Variants in KCNMA1 observed in about 807,000 individuals in gnomAD.
KCNMA1 encodes Calcium-activated potassium channel subunit alpha-1.
KCNMA1 carries 29 observed loss-of-function variants against 140.0 expected under a neutral mutation model. The ratio of observed to expected loss-of-function variants is 0.21; its 90% CI spans 0.15 to 0.28. The LOEUF is 0.28. Ranked by LOEUF, KCNMA1 falls within the 10% of genes least tolerant of loss-of-function variation. The pLI is 1.00. For missense variants in KCNMA1, 880 were observed against 1,602.2 expected (o/e 0.55, Z 7.70); for synonymous variants, 612 against 611.9 (o/e 1.00, Z 0.00).
chr10:77,472,990 CCCAGCGGGG>C (rs2098198256), intron 1 of KCNMA1, among the ~76,000 whole-genome samples: 2 of 152,202 alleles, frequency 1.3e-5, no homozygotes, highest in Non-Finnish European at 2.9e-5. Context: ...ATGTGCACTT[CCCAGCGGGG>C]CCACCCACCA....
chr10:77,081,548 G>T (rs752634843), intron 12 of KCNMA1, among the ~76,000 whole-genome samples: 3 of 152,112 alleles, frequency 2.0e-5, no homozygotes, highest in Non-Finnish European at 4.4e-5. Flanking sequence ...ACCCCTTTTA[G>T]TGCAGAAATG....
In KCNMA1 at chr10:77,637,466, G is replaced by A; in HGVS notation, c.177C>T (p.Ser59=). Residue 59 remains serine, a synonymous_variant, in exon 1 of 28, where the codon TCC becomes TCT. Transcript: ENST00000286628. ...CATCCATCTTGGGCTCGTGGACCGA[G>A]GACGAGGAGGAAGAGGAGGAGGAAG... ...SSSSSSSSSS[S]SVHEPKMDAL... 2 of 1,611,482 alleles carry A rather than the reference G, an allele frequency of 1.2e-6. No individual in the cohort carries two copies. Among genetic ancestry groups the A allele is most frequent in the African/African-American group, 1.3e-5 (1 of 74,974 alleles).
intron 24 of KCNMA1, chr10:76,914,328 C>A: frequency 1.7e-6 from 1 of 577,292 alleles, no homozygotes; most frequent in Non-Finnish European, 3.1e-6. Flanking sequence ...CAGGGAGTGC[C>A]ATGGCCAGGT....
chr10:77,152,282 GT>G (rs61620413), intron 5 of KCNMA1, among the ~76,000 whole-genome samples: 50,202 of 148,728 alleles, frequency 0.34, 9,095 homozygotes, highest in East Asian at 0.73. Context: ...TTGCTTTTGT[GT>G]GTGTGTGTGT....
At chr10:77,257,588 G>T (rs1320243602) in intron 2 of KCNMA1, among the ~76,000 whole-genome samples, 2 of 152,164 alleles carry the variant, frequency 1.3e-5, no homozygotes, top group African/African-American at 2.4e-5. Flanking sequence ...TTCTAGGAAA[G>T]GACAGACACC....
intron 2 of KCNMA1, among the ~76,000 whole-genome samples, chr10:77,271,939 C>T (rs2065264928): frequency 6.6e-6 from 1 of 152,212 alleles, no homozygotes; most frequent in African/African-American, 2.4e-5. Context: ...GGACAGAATG[C>T]CATCCCTTCT....
intron 2 of KCNMA1, among the ~76,000 whole-genome samples, chr10:77,258,645 C>G (rs1219978299): frequency 6.6e-6 from 1 of 152,080 alleles, no homozygotes; most frequent in Non-Finnish European, 1.5e-5. Flanking sequence ...CTTGTCATTC[C>G]TAAGTCATGA....
At chr10:77,079,267 TC>T (rs1414699688) in intron 13 of KCNMA1, among the ~76,000 whole-genome samples, 2 of 150,686 alleles carry the variant, frequency 1.3e-5, no homozygotes, top group Non-Finnish European at 3.0e-5. Flanking sequence ...CAAGACTCCA[TC>T]CCAAAAAAAA....
At chr10:77,446,636 G>A (rs959883509) in intron 1 of KCNMA1, among the ~76,000 whole-genome samples, 1 of 152,238 alleles carries the variant, frequency 6.6e-6, no homozygotes, top group Admixed American at 6.5e-5. Flanking sequence ...ATAACTTGGA[G>A]GACAACCAAC....
At chr10:76,983,057 C>T (rs954548439) in intron 19 of KCNMA1, among the ~76,000 whole-genome samples, 18 of 152,260 alleles carry the variant, frequency 1.2e-4, no homozygotes, top group African/African-American at 3.9e-4. Context: ...ACTACTCCAG[C>T]TGATCCCATC....
At chr10:77,528,714 A>C (rs976894097) in intron 1 of KCNMA1, among the ~76,000 whole-genome samples, 5 of 152,210 alleles carry the variant, frequency 3.3e-5, no homozygotes, top group African/African-American at 1.2e-4. Flanking sequence ...ACAGATGTCC[A>C]TCAACTGATG....
At position 76,886,039 on chromosome 10, in the gene KCNMA1, C is replaced by T; in HGVS notation, c.*1227G>A. On this transcript the variant is annotated 3_prime_UTR_variant, in exon 28 of 28. Transcript: ENST00000286628. ...GCTTTCTGCATTGGGACAGCCAGCA[C>T]CGCACAGCTGTGCCAACAGTTGAAG... 1.0e-6 allele frequency: 1 copy of T among 985,422 alleles called. No individual in the cohort carries two copies. Among genetic ancestry groups the T allele is most frequent in the Non-Finnish European group, 1.2e-6 (1 of 829,942 alleles). 61.0% of individuals were successfully genotyped at this position (985,422 alleles called of 1,614,324 possible). A position where few individuals can be genotyped will look rare whatever the true frequency, so the allele number is the denominator to read the frequency against.
At chr10:77,188,472 T>C (rs1391727275) in intron 3 of KCNMA1, among the ~76,000 whole-genome samples, 2 of 152,146 alleles carry the variant, frequency 1.3e-5, no homozygotes, top group Non-Finnish European at 2.9e-5. Flanking sequence ...ATGAAACAAG[T>C]GTGATACTAA....
intron 14 of KCNMA1, among the ~76,000 whole-genome samples, chr10:77,039,852 G>GCAT (rs2094549403): frequency 7.5e-6 from 1 of 133,084 alleles, no homozygotes; most frequent in Non-Finnish European, 1.7e-5. Flanking sequence ...TTTAACCTGT[G>GCAT]TGATTTCTTT....
At chr10:77,303,127 T>C (rs573515314) in intron 2 of KCNMA1, among the ~76,000 whole-genome samples, 19 of 152,316 alleles carry the variant, frequency 1.2e-4, no homozygotes, top group African/African-American at 4.6e-4. Context: ...CTCTGAACAC[T>C]AAATGAGCTC....
In KCNMA1 at chr10:76,899,832, A is replaced by G. The variant is rs16933995; in HGVS notation, c.3148-8113T>C. Among the ~76,000 whole-genome samples the G allele has an allele frequency of 2.6e-3, 394 of 152,250 alleles. 11 individuals are homozygous for G. In the East Asian group the frequency reaches 0.049, roughly 19 times the overall value. ...TGACTCATATTGTACAGACATGAAT[A>G]TTGTGCTTTCAGATAATATTTAATG... is the stretch of plus-strand genomic sequence containing the variant. On this transcript the variant is annotated intron_variant, in intron 25 of 27. Coordinates refer to ENST00000286628, the MANE Select transcript of KCNMA1 (RefSeq NM_001161352.2).
chr10:77,290,969 C>T (rs968591004), intron 2 of KCNMA1, among the ~76,000 whole-genome samples: 90 of 152,272 alleles, frequency 5.9e-4, no homozygotes, highest in African/African-American at 2.1e-3. Flanking sequence ...TTCAGGAAGT[C>T]CACCAGACAT....
chr10:77,206,204 CAATTA>C (rs2044052213), intron 3 of KCNMA1, among the ~76,000 whole-genome samples: 1 of 152,052 alleles, frequency 6.6e-6, no homozygotes, highest in Admixed American at 6.5e-5. Flanking sequence ...AGTGCTAAGA[CAATTA>C]AATTAATACA....
chr10:76,916,943 G>T (rs2152459763), intron 23 of KCNMA1, among the ~76,000 whole-genome samples: 1 of 152,288 alleles, frequency 6.6e-6, no homozygotes, highest in African/African-American at 2.4e-5. Flanking sequence ...TCCATTCCCT[G>T]ACTGCACTTA....
Sources: gnomAD v4.1 joint callset for allele counts (sites outside exome capture counted in the v4.1 genomes callset) on GRCh38, gnomAD v4.1.1 for gene constraint, MANE v1.5 for transcripts, NCBI Gene and HGNC (gene_info 2026-07-23, HGNC 2026-07-21) for gene names.